The following F5 variants were observed in gnomAD, a reference collection of about 807,000 sequenced individuals.
The protein encoded by F5 is coagulation factor V.
A neutral mutation model predicts 216.4 loss-of-function variants in F5; 138 were observed. The ratio of observed to expected loss-of-function variants is 0.64; its 90% CI spans 0.56 to 0.73. The LOEUF is 0.73. Ranked by LOEUF, F5 falls within the 30% of genes least tolerant of loss-of-function variation. F5 has a pLI of 0.00. For missense variants in F5, 2,403 were observed against 2,674.0 expected (o/e 0.90, Z 2.24); for synonymous variants, 916 against 930.7 (o/e 0.98, Z 0.29).
At chr1:169,583,274 G>A (rs1661028225) in intron 1 of F5, among the ~76,000 whole-genome samples, 1 of 152,162 alleles carries the variant, frequency 6.6e-6, no homozygotes, top group African/African-American at 2.4e-5. Context: ...AAAGATGAGG[G>A]TAAAAGGAAA....
At position 169,542,656 on chromosome 1, in the gene F5, G is replaced by A. The variant is rs1310289906; in HGVS notation, c.2434C>T (p.His812Tyr). ...AGAACTGAGTTCTTGCCAATGAGGT[G>A]TCTCAGTGGGGAACCAGCTGTGGTG... ...QATTAGSPLRHLIGKNSVLNS... is the reference protein window; with the variant it reads ...QATTAGSPLRYLIGKNSVLNS... Residue 812 changes from histidine (H) to tyrosine (Y), a missense_variant, in exon 13 of 25, where the codon CAC becomes TAC. By Grantham distance (83) the His-to-Tyr change is moderately conservative. Around this residue, in one of 4 missense-constraint regions of F5, gnomAD observed 1,425 missense variants for 1,554.8 expected, o/e 0.92. Transcript: ENST00000367797. The A allele has an allele frequency of 1.3e-5, 21 of 1,614,006 alleles. No individual in the cohort carries two copies. Among genetic ancestry groups the A allele is most frequent in the Non-Finnish European group, 1.8e-5 (21 of 1,179,982 alleles).
rs780611660 is a variant in F5, at chr1:169,518,437, C to T, written c.6320G>A (p.Gly2107Glu). ...CTTGGCTTGCCAGGCATTCACACGT[C>T]CCTGGGCATTCAGACGGGCACGGAA... ...EPFRARLNAQ[G>E]RVNAWQAKAN... Residue 2107 changes from glycine (G) to glutamate (E), a missense_variant, in exon 23 of 25, where the codon GGA becomes GAA. By Grantham distance (98) the Gly-to-Glu change is moderately conservative. Transcript: ENST00000367797. 2.2e-5 allele frequency: 35 copies of T among 1,613,772 alleles called. No homozygotes were observed. Among genetic ancestry groups the T allele is most frequent in the Non-Finnish European group, 2.4e-5 (28 of 1,179,776 alleles).
intron 2 of F5, among the ~76,000 whole-genome samples, chr1:169,579,376 T>G (rs1420742757): frequency 6.6e-6 from 1 of 152,186 alleles, no homozygotes; most frequent in Non-Finnish European, 1.5e-5. Context: ...CAGCCTTCTC[T>G]TCTCATCACA....
chr1:169,585,135 G>A (rs1661074798), intron 1 of F5, among the ~76,000 whole-genome samples: 1 of 152,032 alleles, frequency 6.6e-6, no homozygotes, highest in African/African-American at 2.4e-5. Flanking sequence ...AAAGGGTGTG[G>A]GTGTGACCTA....
intron 14 of F5, among the ~76,000 whole-genome samples, 187 bp downstream of exon 14, chr1:169,536,319 C>CT (rs58033656): frequency 3.7e-4 from 55 of 147,346 alleles, no homozygotes; most frequent in Middle Eastern, 3.5e-3. Context: ...AAAATGAGAT[C>CT]TTTTTTTTTT....
chr1:169,563,318 CCTT>C (rs1660523670), intron 3 of F5, among the ~76,000 whole-genome samples: 1 of 152,122 alleles, frequency 6.6e-6, no homozygotes, highest in Admixed American at 6.6e-5. Context: ...TCTTCATGTT[CCTT>C]CTTCTTAGTT....
At position 169,567,014 on chromosome 1, in the gene F5, T is replaced by A. The variant is rs151246804; in HGVS notation, c.373+5207A>T. On this transcript the variant is annotated intron_variant, in intron 3 of 24. Coordinates refer to ENST00000367797, the MANE Select transcript of F5 (RefSeq NM_000130.5). ...TGTTAACAAAGTACCCTGGATTGAG[T>A]GGCTTATAAACAACGGACACTTCTT... Among the ~76,000 whole-genome samples, 575 of 151,996 alleles carry A rather than the reference T, an allele frequency of 3.8e-3. 5 individuals carry two copies. Among genetic ancestry groups the A allele is most frequent in the Middle Eastern group, 0.024 (7 of 294 alleles).
In F5 at chr1:169,542,028, T is replaced by C. The variant is rs1259551276; in HGVS notation, c.3062A>G (p.Lys1021Arg). Residue 1021 changes from lysine (K) to arginine (R), a missense_variant, in exon 13 of 25, where the codon AAG becomes AGG. By Grantham distance (26) the Lys-to-Arg change is conservative. This residue lies in a region of F5 where 1,425 missense variants were observed against 1,554.8 expected (regional missense o/e 0.92). Transcript: ENST00000367797. Reference sequence around the variant, plus strand: ...TGTCTTAATGAGAAACTGGCTTTTCTTCAGTCTACTCTTTCCTCCATCCTG... The same window carrying C: ...TGTCTTAATGAGAAACTGGCTTTTCCTCAGTCTACTCTTTCCTCCATCCTG... Reference protein sequence around the residue: ...VRQDGGKSRLKKSQFLIKTRK... With the variant: ...VRQDGGKSRLRKSQFLIKTRK... 1 of 1,614,118 alleles carries C rather than the reference T, an allele frequency of 6.2e-7. No individual in the cohort carries two copies. Among genetic ancestry groups the C allele is most frequent in the Non-Finnish European group, 8.5e-7 (1 of 1,180,010 alleles).
intron 7 of F5, among the ~76,000 whole-genome samples, chr1:169,553,627 C>T (rs981154441): frequency 6.6e-6 from 1 of 152,160 alleles, no homozygotes; most frequent in Non-Finnish European, 1.5e-5. Flanking sequence ...GAGGCTGAGG[C>T]AGGAGAATGG....
intron 10 of F5, among the ~76,000 whole-genome samples, chr1:169,547,478 A>T (rs1194272819): frequency 6.6e-6 from 1 of 152,228 alleles, no homozygotes; most frequent in Non-Finnish European, 1.5e-5. Context: ...TTTATAAGGA[A>T]CTTAAATTTA....
intron 21 of F5, among the ~76,000 whole-genome samples, chr1:169,522,537 G>A (rs949440841): frequency 3.9e-5 from 6 of 152,026 alleles, no homozygotes; most frequent in African/African-American, 1.4e-4. Flanking sequence ...TTAAAAATAG[G>A]TAACTAATAA....
chr1:169,571,883 T>G (rs1660731659), intron 3 of F5, among the ~76,000 whole-genome samples: 2 of 152,280 alleles, frequency 1.3e-5, no homozygotes, highest in South Asian at 4.1e-4. Flanking sequence ...TATCTGGCCC[T>G]TTACGGAAAA....
rs370704192 is a variant in F5, at chr1:169,536,098, C to T, written c.4971+408G>A. Among the ~76,000 whole-genome samples the T allele has an allele frequency of 2.4e-4, 36 of 152,210 alleles. 1 individual carries two copies. The highest frequency in any genetic ancestry group is 7.7e-4 in the African/African-American group (32 of 41,544). ...TTTCCTTACTCATTTTATTTAACTT[C>T]ATTTTATTTAATTTTTAGGAAAACA... is the stretch of plus-strand genomic sequence containing the variant. On this transcript the variant is annotated intron_variant, in intron 14 of 24. Transcript: ENST00000367797.
chr1:169,534,103 T>C (rs1024898864), intron 14 of F5, among the ~76,000 whole-genome samples: 2 of 152,220 alleles, frequency 1.3e-5, no homozygotes, highest in African/African-American at 2.4e-5. Flanking sequence ...TTCTAATTAC[T>C]GGTGCATGCA....
intron 3 of F5, among the ~76,000 whole-genome samples, chr1:169,563,210 C>T (rs1010352718): frequency 1.3e-5 from 2 of 151,996 alleles, no homozygotes; most frequent in Non-Finnish European, 2.9e-5. Flanking sequence ...TTTTGTTCCC[C>T]TGTATGTGGT....
chr1:169,562,196 A>C (rs1472864651), intron 3 of F5, among the ~76,000 whole-genome samples: 1 of 152,152 alleles, frequency 6.6e-6, no homozygotes, highest in East Asian at 1.9e-4. Flanking sequence ...TTTGTAGCCA[A>C]TGCCCTCTGG....
At position 169,512,965 on chromosome 1, in the gene F5, T is replaced by G. The variant is rs1311169104; in HGVS notation, c.*1348A>C. On this transcript the variant is annotated 3_prime_UTR_variant, in exon 25 of 25. Coordinates refer to ENST00000367797, the MANE Select transcript of F5 (RefSeq NM_000130.5). ...CTCCTAGAGATTCTGGTATGTTGTCTCTTTGTTCTCATTGGTTTTAAGGAA... is the reference window on the plus strand; with the variant it reads ...CTCCTAGAGATTCTGGTATGTTGTCGCTTTGTTCTCATTGGTTTTAAGGAA... Among the ~76,000 whole-genome samples the G allele has an allele frequency of 6.6e-6, 1 of 152,106 alleles. No individual in the cohort carries two copies. The highest frequency in any genetic ancestry group is 1.5e-5 in the Non-Finnish European group (1 of 68,004).
intron 14 of F5, among the ~76,000 whole-genome samples, chr1:169,534,140 C>A (rs1659650612): frequency 1.3e-5 from 2 of 152,140 alleles, no homozygotes; most frequent in African/African-American, 4.8e-5. Context: ...CCCCTCCTTG[C>A]TCAATCAATC....
At chr1:169,566,148 G>A (rs1375390308) in intron 3 of F5, among the ~76,000 whole-genome samples, 1 of 152,060 alleles carries the variant, frequency 6.6e-6, no homozygotes, top group Non-Finnish European at 1.5e-5. Flanking sequence ...TAGTTGATGA[G>A]CTGCACCATC....
Sources: allele counts gnomAD v4.1 joint callset (sites outside exome capture counted in the v4.1 genomes callset), GRCh38; gene constraint gnomAD v4.1.1; regional missense constraint gnomAD v4.1.1; transcripts MANE v1.5; gene names NCBI Gene and HGNC (gene_info 2026-07-23, HGNC 2026-07-21).